Variants in DPP6 observed in about 807,000 individuals in gnomAD.
The protein encoded by DPP6 is dipeptidyl peptidase like 6, also known as A-type potassium channel modulatory protein DPP6.
In DPP6, 69 loss-of-function variants were observed where a neutral mutation model predicts 122.6. The observed-to-expected ratio is 0.56, with a 90% CI of 0.46 to 0.69. The LOEUF is 0.69. DPP6 is among the 30% of genes least tolerant of loss of function. The probability of loss-of-function intolerance (pLI) is 0.00; values close to 1 mark genes in which losing one functional copy is unlikely to be tolerated. For synonymous variants in DPP6, 418 were observed against 433.1 expected, an observed-to-expected ratio of 0.97 and a Z score of 0.43; for missense variants, 928 against 1,116.9, an observed-to-expected ratio of 0.83 and a Z score of 2.41.
At chr7:154,730,880 T>A (rs1229101277) in intron 8 of DPP6, among the ~76,000 whole-genome samples, 1 of 152,270 alleles carries the variant, frequency 6.6e-6, no homozygotes, top group Non-Finnish European at 1.5e-5. Context: ...TGCTTTGCCA[T>A]TCACATTAAG....
intron 6 of DPP6, among the ~76,000 whole-genome samples, chr7:154,650,782 T>C (rs957823424): frequency 2.6e-5 from 4 of 152,166 alleles, no homozygotes; most frequent in African/African-American, 9.7e-5. Flanking sequence ...TTGTCCAGAC[T>C]AGAAATTAAT....
intron 1 of DPP6, among the ~76,000 whole-genome samples, chr7:154,385,782 A>G (rs1287911637): frequency 1.3e-5 from 2 of 152,172 alleles, no homozygotes; most frequent in Non-Finnish European, 2.9e-5. Flanking sequence ...GTATTCACAG[A>G]GAAAGCAAGA....
At chr7:154,299,999 C>T (rs1805798174) in intron 1 of DPP6, among the ~76,000 whole-genome samples, 1 of 152,246 alleles carries the variant, frequency 6.6e-6, no homozygotes. Flanking sequence ...GCTAGATTGG[C>T]TTTCCCAAGT....
At chr7:154,632,518 G>A (rs189079962) in intron 5 of DPP6, among the ~76,000 whole-genome samples, 6 of 152,318 alleles carry the variant, frequency 3.9e-5, no homozygotes, top group African/African-American at 9.6e-5. Context: ...GCTACCAACT[G>A]AGATAGGGAT....
At chr7:154,467,829 A>G (rs919746587) in intron 2 of DPP6, among the ~76,000 whole-genome samples, 20 of 152,160 alleles carry the variant, frequency 1.3e-4, no homozygotes, top group African/African-American at 2.4e-5. Flanking sequence ...TTTCATCTCT[A>G]TGTTTGCCTT....
In DPP6 at chr7:154,516,675, A is replaced by G. The variant is rs140782033; in HGVS notation, c.458-23857A>G. ...GACTGGGATGAGAAATGTAAGGTGCATGAATTTCAAAAATAATAAAATGAA... is the reference window on the plus strand; with the variant it reads ...GACTGGGATGAGAAATGTAAGGTGCGTGAATTTCAAAAATAATAAAATGAA... On this transcript the variant is annotated intron_variant, in intron 3 of 25. Transcript: ENST00000377770. Among the ~76,000 whole-genome samples the G allele has an allele frequency of 2.5e-3, 374 of 152,364 alleles. 5 individuals carry two copies. The highest frequency in any genetic ancestry group is 8.3e-3 in the African/African-American group (347 of 41,590).
intron 1 of DPP6, among the ~76,000 whole-genome samples, chr7:154,382,818 T>C (rs533245479): frequency 7.2e-5 from 11 of 152,166 alleles, no homozygotes; most frequent in Non-Finnish European, 1.2e-4. Context: ...CTCTGCCTCC[T>C]GGGTTCAAGC....
chr7:154,205,269 A>G (rs1002193213), intron 1 of DPP6, among the ~76,000 whole-genome samples: 2 of 152,134 alleles, frequency 1.3e-5, no homozygotes, highest in African/African-American at 2.4e-5. Flanking sequence ...GGACATTGAC[A>G]TGGATGTAGT....
chr7:154,305,139 G>A (rs998072582), intron 1 of DPP6: 7 of 644,516 alleles, frequency 1.1e-5, no homozygotes, highest in Admixed American at 1.2e-4. Flanking sequence ...CGGGAGGCGG[G>A]CGAGGAGGCA....
chr7:154,780,217 A>G (rs1270866597), intron 10 of DPP6, among the ~76,000 whole-genome samples: 1 of 152,220 alleles, frequency 6.6e-6, no homozygotes, highest in Non-Finnish European at 1.5e-5. Context: ...GAAATGCCGG[A>G]TCTTTACTGA....
At chr7:154,809,683 G>C (rs999968531) in intron 16 of DPP6, among the ~76,000 whole-genome samples, 5 of 152,208 alleles carry the variant, frequency 3.3e-5, no homozygotes, top group African/African-American at 1.2e-4. Context: ...CAAGATGAAA[G>C]GTAACACATA....
At chr7:154,242,381 A>AGTGTGTGTGTGT (rs139152037) in intron 1 of DPP6, among the ~76,000 whole-genome samples, 8 of 150,194 alleles carry the variant, frequency 5.3e-5, no homozygotes, top group Admixed American at 2.0e-4. Flanking sequence ...AGAGGCAATG[A>AGTGTGTGTGTGT]GTGTGTGTGT....
chr7:154,128,128 C>T (rs1488649288), intron 1 of DPP6, among the ~76,000 whole-genome samples: 1 of 150,568 alleles, frequency 6.6e-6, no homozygotes, highest in Non-Finnish European at 1.5e-5. Context: ...CCTCTCTGCC[C>T]CATGCATGAC....
chr7:154,323,040 G>C (rs1361892257), intron 1 of DPP6, among the ~76,000 whole-genome samples: 3 of 151,824 alleles, frequency 2.0e-5, no homozygotes, highest in Non-Finnish European at 4.4e-5. Flanking sequence ...GGTTGCAGAA[G>C]AGAGTGAGCT....
At chr7:154,234,535 A>G (rs187629531) in intron 1 of DPP6, among the ~76,000 whole-genome samples, 1 of 152,192 alleles carries the variant, frequency 6.6e-6, no homozygotes, top group East Asian at 1.9e-4. Context: ...TTTGGATCCT[A>G]CCTTTGGACT....
At chr7:154,422,492 A>T (rs1052144607) in intron 1 of DPP6, among the ~76,000 whole-genome samples, 1 of 152,190 alleles carries the variant, frequency 6.6e-6, no homozygotes, top group Non-Finnish European at 1.5e-5. Flanking sequence ...ATAGGCTAAT[A>T]AGGGCAATGA....
chr7:154,885,470 T>C, intron 21 of DPP6, 163 bp from the exon 22 acceptor site: 1 of 974,564 alleles, frequency 1.0e-6, no homozygotes. Context: ...TTGCTTTTCA[T>C]CTCTTGTTAC....
At chr7:154,209,562 A>G (rs954019687) in intron 1 of DPP6, among the ~76,000 whole-genome samples, 1 of 150,698 alleles carries the variant, frequency 6.6e-6, no homozygotes, top group Non-Finnish European at 1.5e-5. Context: ...AAAACAAAAA[A>G]CCTTTCTTCA....
At chr7:154,341,928 C>T (rs28499293) in intron 1 of DPP6, among the ~76,000 whole-genome samples, 10,540 of 152,096 alleles carry the variant, frequency 0.069, 1,144 homozygotes, top group African/African-American at 0.23. Context: ...TCATAAAAAC[C>T]GAAGTTGCTG....
Sources: allele counts gnomAD v4.1 joint callset (sites outside exome capture counted in the v4.1 genomes callset), GRCh38; gene constraint gnomAD v4.1.1; transcripts MANE v1.5; gene names NCBI Gene and HGNC (gene_info 2026-07-23, HGNC 2026-07-21).